RALYL: variants seen among roughly 807,000 people sequenced by gnomAD.
The protein encoded by RALYL is RNA-binding Raly-like protein.
A neutral mutation model predicts 35.1 loss-of-function variants in RALYL; 29 were observed. The observed-to-expected ratio is 0.83, with a 90% CI of 0.61 to 1.13. RALYL has a LOEUF of 1.13. Among genes scored for constraint, RALYL ranks in the 50% most tolerant of loss-of-function variants. The pLI is 0.00. For synonymous variants in RALYL, 120 were observed against 127.6 expected (o/e 0.94, Z 0.40); for missense variants, 359 against 360.4 (o/e 1.00, Z 0.03).
chr8:84,604,955 G>T (rs1205003821), intron 2 of RALYL, among the ~76,000 whole-genome samples: 1 of 144,760 alleles, frequency 6.9e-6, no homozygotes, highest in African/African-American at 2.7e-5. Flanking sequence ...AAACTATGCT[G>T]GGACATTCTG....
At chr8:84,404,131 G>A (rs1199667081) in intron 1 of RALYL, among the ~76,000 whole-genome samples, 1 of 151,974 alleles carries the variant, frequency 6.6e-6, no homozygotes, top group Non-Finnish European at 1.5e-5. Flanking sequence ...CAGATAATTT[G>A]ACTTCCTCTC....
At chr8:84,325,722 CTT>C (rs1189790334) in intron 1 of RALYL, among the ~76,000 whole-genome samples, 1 of 152,226 alleles carries the variant, frequency 6.6e-6, no homozygotes, top group Non-Finnish European at 1.5e-5. Flanking sequence ...TGGCCTGACT[CTT>C]AGCATTCAAA....
intron 3 of RALYL, among the ~76,000 whole-genome samples, chr8:84,775,649 A>G (rs1816665262): frequency 6.6e-6 from 1 of 152,072 alleles, no homozygotes; most frequent in Non-Finnish European, 1.5e-5. Context: ...ACGTGCCCCA[A>G]TTTGTCAGTG....
chr8:84,217,290 T>A (rs1354344052), intron 1 of RALYL, among the ~76,000 whole-genome samples: 2 of 152,100 alleles, frequency 1.3e-5, no homozygotes, highest in African/African-American at 4.8e-5. Context: ...TTAATGTCAA[T>A]ATGTTTTATT....
chr8:84,676,340 C>T (rs1291801874), intron 2 of RALYL, among the ~76,000 whole-genome samples: 1 of 152,176 alleles, frequency 6.6e-6, no homozygotes, highest in African/African-American at 2.4e-5. Context: ...GATGTCCATA[C>T]AGCAGAAATA....
intron 1 of RALYL, among the ~76,000 whole-genome samples, chr8:84,193,825 T>C (rs1274478029): frequency 6.6e-6 from 1 of 152,122 alleles, no homozygotes; most frequent in Non-Finnish European, 1.5e-5. Flanking sequence ...GAGGATTACT[T>C]GGTTAGAGAC....
chr8:84,720,841 T>G (rs908839043), intron 2 of RALYL, among the ~76,000 whole-genome samples: 2 of 151,902 alleles, frequency 1.3e-5, no homozygotes, highest in Non-Finnish European at 2.9e-5. Flanking sequence ...TGAATAGACA[T>G]CTCTCAAAAA....
At chr8:84,694,930 T>C (rs1398488510) in intron 2 of RALYL, among the ~76,000 whole-genome samples, 2 of 151,798 alleles carry the variant, frequency 1.3e-5, no homozygotes, top group Non-Finnish European at 3.0e-5. Flanking sequence ...GCACTTTTTA[T>C]GTATTAACTC....
At chr8:84,364,056 C>G (rs1009482379) in intron 1 of RALYL, among the ~76,000 whole-genome samples, 2 of 152,124 alleles carry the variant, frequency 1.3e-5, no homozygotes, top group Non-Finnish European at 1.5e-5. Flanking sequence ...TATGCAGTAT[C>G]TCTCAGTTTG....
chr8:84,540,127 C>CATTT (rs2059925175), intron 2 of RALYL, among the ~76,000 whole-genome samples: 3 of 151,512 alleles, frequency 2.0e-5, no homozygotes, highest in Non-Finnish European at 4.4e-5. Context: ...GATTTTTAAA[C>CATTT]CAGTGTATGT....
chr8:84,425,547 T>C (rs1396627637), intron 1 of RALYL, among the ~76,000 whole-genome samples: 2 of 152,232 alleles, frequency 1.3e-5, no homozygotes, highest in African/African-American at 4.8e-5. Context: ...ACTGGAGCTG[T>C]TCCTATTCGG....
At chr8:84,837,485 G>T (rs1319283969) in intron 4 of RALYL, among the ~76,000 whole-genome samples, 1 of 151,972 alleles carries the variant, frequency 6.6e-6, no homozygotes. Context: ...AAAATAAGAA[G>T]AAATACTTTG....
Position 84,386,984 on chromosome 8 carries a change from G to C in RALYL, c.-23-142315G>C, listed in dbSNP as rs186629264. On this transcript the variant is annotated intron_variant, in intron 1 of 8. Transcript: ENST00000521268. ...CTTGTGAAATCTCTTTTAGCCGTTA[G>C]TGCTGTTAAATTATTGGTTCCCTTA... Among the ~76,000 whole-genome samples, 310 of 151,942 alleles carry C rather than the reference G, an allele frequency of 2.0e-3. 2 individuals are homozygous for C. The highest frequency in any genetic ancestry group is 6.8e-3 in the Middle Eastern group (2 of 292).
chr8:84,536,484 A>G (rs1368339585), intron 2 of RALYL, among the ~76,000 whole-genome samples: 1 of 152,220 alleles, frequency 6.6e-6, no homozygotes. Context: ...TTCAAATTAG[A>G]TGGAGTATCT....
chr8:84,439,608 C>A (rs184332713), intron 1 of RALYL, among the ~76,000 whole-genome samples: 2 of 151,884 alleles, frequency 1.3e-5, no homozygotes, highest in East Asian at 3.9e-4. Flanking sequence ...TTATTTTCTG[C>A]GTCATGGAGA....
At chr8:84,271,636 T>C (rs1834328524) in intron 1 of RALYL, among the ~76,000 whole-genome samples, 1 of 151,946 alleles carries the variant, frequency 6.6e-6, no homozygotes, top group African/African-American at 2.4e-5. Context: ...GGTGTATCCA[T>C]ATGATGGACT....
intron 1 of RALYL, among the ~76,000 whole-genome samples, chr8:84,448,196 C>T (rs753098506): frequency 2.0e-5 from 3 of 151,942 alleles, no homozygotes; most frequent in East Asian, 1.9e-4. Flanking sequence ...TCCAGCCCAC[C>T]CTTCCACACA....
At chr8:84,814,585 ATTGT>A (rs917740853) in intron 4 of RALYL, among the ~76,000 whole-genome samples, 3 of 152,322 alleles carry the variant, frequency 2.0e-5, no homozygotes, top group Non-Finnish European at 2.9e-5. Context: ...TTGAAATAAA[ATTGT>A]TTGGTCACAA....
intron 4 of RALYL, among the ~76,000 whole-genome samples, chr8:84,840,081 G>A (rs182458237): frequency 4.6e-5 from 7 of 152,318 alleles, no homozygotes; most frequent in South Asian, 2.1e-4. Flanking sequence ...CCAAAGGAAC[G>A]CAGCTCCTCA....
Sources: gnomAD v4.1 joint callset for allele counts (sites outside exome capture counted in the v4.1 genomes callset) on GRCh38, gnomAD v4.1.1 for gene constraint, MANE v1.5 for transcripts, NCBI Gene and HGNC (gene_info 2026-07-23, HGNC 2026-07-21) for gene names.